Variants in ERAP1 observed in about 807,000 individuals in gnomAD.
ERAP1 encodes endoplasmic reticulum aminopeptidase 1, also known as adipocyte-derived leucine aminopeptidase.
A neutral mutation model predicts 103.7 loss-of-function variants in ERAP1; 86 were observed. The ratio of observed to expected loss-of-function variants is 0.83; its 90% CI spans 0.70 to 0.99. The LOEUF is 0.99. Ranked by LOEUF, ERAP1 falls within the 50% of genes least tolerant of loss-of-function variation. The pLI is 0.00. For missense variants in ERAP1, 1,009 were observed against 1,128.4 expected (o/e 0.89, Z 1.52); for synonymous variants, 398 against 402.4 (o/e 0.99, Z 0.13).
At chr5:96,833,598 T>C in the ERAP1 span, among the ~76,000 whole-genome samples, 9 of 152,064 alleles carry the variant, frequency 5.9e-5, no homozygotes, top group South Asian at 2.1e-4. Context: ...TGAAAATAAA[T>C]AGAATTTAGT....
Position 96,793,890 on chromosome 5 carries a change from T to C in ERAP1, c.987A>G (p.Glu329=). ...TTTCTGCATCAAACAACAGAGCAGATTCTCTATATGTTGTCAGTCCCCAGT... is the reference window on the plus strand; with the variant it reads ...TTTCTGCATCAAACAACAGAGCAGACTCTCTATATGTTGTCAGTCCCCAGT... ...MENWGLTTYR[E]SALLFDAEKS... The change falls in exon 6 of 19, where the codon GAA becomes GAG. Residue 329 remains glutamate, a synonymous_variant. Transcript: ENST00000443439. 17 of 1,613,914 alleles carry C rather than the reference T, an allele frequency of 1.1e-5. No individual in the cohort carries two copies. The highest frequency in any genetic ancestry group is 1.4e-5 in the Non-Finnish European group (17 of 1,179,760).
At chr5:96,921,720 T>C in the ERAP1 span, among the ~76,000 whole-genome samples, 1 of 152,224 alleles carries the variant, frequency 6.6e-6, no homozygotes, top group Non-Finnish European at 1.5e-5. Context: ...TCAGTAATTC[T>C]CATCTTGTTA....
chr5:96,903,306 A>G, the ERAP1 span: 10 of 1,197,096 alleles, frequency 8.4e-6, no homozygotes, highest in Admixed American at 2.5e-5. Context: ...TTGATTAAAA[A>G]TAACAGTTCT....
chr5:96,841,524 A>C, the ERAP1 span, among the ~76,000 whole-genome samples: 1 of 152,160 alleles, frequency 6.6e-6, no homozygotes, highest in Non-Finnish European at 1.5e-5. Context: ...GGCCTGTGCC[A>C]CCCTGGCACC....
the ERAP1 span, among the ~76,000 whole-genome samples, chr5:96,856,387 G>T: frequency 8.3e-6 from 1 of 120,612 alleles, no homozygotes; most frequent in East Asian, 2.3e-4. Context: ...GAGAGAGAGA[G>T]AGAGAGAGCA....
chr5:96,869,513 A>G, the ERAP1 span, among the ~76,000 whole-genome samples: 1 of 152,262 alleles, frequency 6.6e-6, no homozygotes, highest in Admixed American at 6.5e-5. Flanking sequence ...TTATTAGAAA[A>G]TAACAGGTAG....
At chr5:96,883,897 G>A in the ERAP1 span, 2 of 1,613,448 alleles carry the variant, frequency 1.2e-6, no homozygotes, top group Non-Finnish European at 1.7e-6. Flanking sequence ...TACGAAGAGA[G>A]AGCAGGCATA....
At chr5:96,891,525 ACGG>A in the ERAP1 span, among the ~76,000 whole-genome samples, 3 of 30,478 alleles carry the variant, frequency 9.8e-5, no homozygotes, top group African/African-American at 1.3e-4. Context: ...ATGCCCATAT[ACGG>A]TATATATACA....
the ERAP1 span, among the ~76,000 whole-genome samples, chr5:96,865,463 C>T: frequency 6.6e-6 from 1 of 152,094 alleles, no homozygotes; most frequent in Admixed American, 6.6e-5. Context: ...ATTTGCTTAA[C>T]ATTAGCAAGC....
intron 19 of ERAP1, among the ~76,000 whole-genome samples, chr5:96,767,673 A>G (rs1770481564): frequency 6.6e-6 from 1 of 152,192 alleles, no homozygotes; most frequent in African/African-American, 2.4e-5. Flanking sequence ...TTAGGGTGGA[A>G]AACTGAGGCT....
chr5:96,809,441 T>G (rs1172403013), upstream of ERAP1, among the ~76,000 whole-genome samples: 1 of 152,210 alleles, frequency 6.6e-6, no homozygotes, highest in African/African-American at 2.4e-5. Context: ...CTTCTCCCAC[T>G]TCTTTATTGG....
At position 96,800,985 on chromosome 5, in the gene ERAP1, T is replaced by C; in HGVS notation, c.540A>G (p.Thr180=). ...KEGELRILAS[T]QFEPTAARMA... is the part of the protein sequence containing the mutation. ...TTCTAGCTGCAGTGGGTTCAAATTGTGTTGATGCTAGTATCCTAAAATTAA... is the reference window on the plus strand; with the variant it reads ...TTCTAGCTGCAGTGGGTTCAAATTGCGTTGATGCTAGTATCCTAAAATTAA... The change falls in exon 3 of 19, where the codon ACA becomes ACG. Residue 180 remains threonine, a synonymous_variant. Transcript: ENST00000443439. 1 of 1,614,130 alleles carries C rather than the reference T, an allele frequency of 6.2e-7. No individual in the cohort carries two copies. The highest frequency in any genetic ancestry group is 8.5e-7 in the Non-Finnish European group (1 of 1,180,028).
the ERAP1 span, chr5:96,873,186 C>CA: frequency 0.15 from 46,469 of 311,264 alleles, 1,318 homozygotes; most frequent in Non-Finnish European, 0.18. Context: ...GAGACTTTGT[C>CA]AAAAAAAAAA....
chr5:96,787,768 G>T lies in ERAP1; in HGVS notation c.1679+763C>A, dbSNP rs558755133. 5.4e-5 allele frequency among the ~76,000 whole-genome samples: 5 copies of T among 92,626 alleles called. No homozygotes were observed. In the East Asian group the frequency reaches 1.3e-3, roughly 25 times the overall value. The allele number at this position is 92,626 out of a possible 152,430, so 60.8% of individuals were successfully genotyped here. ...CCTTAATCCTTTTGGGAAGATGGGG[G>T]AGGGAGGTGTATATATTATATATAT... On this transcript the variant is annotated intron_variant, in intron 11 of 18. Transcript: ENST00000443439.
chr5:96,869,991 G>A, the ERAP1 span, among the ~76,000 whole-genome samples: 1 of 152,206 alleles, frequency 6.6e-6, no homozygotes, highest in Non-Finnish European at 1.5e-5. Flanking sequence ...TAAAAAGATA[G>A]TGAAGAATTA....
At chr5:96,841,198 A>T in the ERAP1 span, among the ~76,000 whole-genome samples, 1 of 152,160 alleles carries the variant, frequency 6.6e-6, no homozygotes, top group African/African-American at 2.4e-5. Context: ...CTGAAAAAGG[A>T]TAGTGGCTGT....
the ERAP1 span, among the ~76,000 whole-genome samples, chr5:96,887,302 ACTTTT>A: frequency 5.1e-5 from 6 of 118,658 alleles, no homozygotes; most frequent in Non-Finnish European, 1.0e-4. Context: ...GTTGTTTCCG[ACTTTT>A]TTTTTTTTTT....
rs1236908660 is a variant in ERAP1, at chr5:96,776,270, C to CA, written c.*125dup. ...CAGCTATTCTTTTCACAGGGATAGT[C>CA]AAAAAATGAGTTGAAGGGAAAAAAG... On this transcript the variant is annotated 3_prime_UTR_variant, in exon 19 of 19. Transcript: ENST00000443439. 3 of 1,505,976 alleles carry CA rather than the reference C, an allele frequency of 2.0e-6. No individual in the cohort carries two copies. The highest frequency in any genetic ancestry group is 1.3e-5 in the South Asian group (1 of 77,766). The allele number at this position is 1,505,976 out of a possible 1,614,324, so 93.3% of individuals were successfully genotyped here. A position where few individuals can be genotyped will look rare whatever the true frequency, so the allele number is the denominator to read the frequency against.
chr5:96,916,954 A>G, the ERAP1 span, among the ~76,000 whole-genome samples: 1 of 152,118 alleles, frequency 6.6e-6, no homozygotes, highest in African/African-American at 2.4e-5. Context: ...AGGATTTATA[A>G]TTTTTGTCTT....
Sources: allele counts gnomAD v4.1 joint callset (sites outside exome capture counted in the v4.1 genomes callset), GRCh38; gene constraint gnomAD v4.1.1; transcripts MANE v1.5; gene names NCBI Gene and HGNC (gene_info 2026-07-23, HGNC 2026-07-21).